Variants in AKAP6 observed in about 807,000 individuals in gnomAD.
The protein encoded by AKAP6 is A-kinase anchoring protein 6.
In AKAP6, 58 loss-of-function variants were observed where a neutral mutation model predicts 188.5. That is an observed-to-expected ratio of 0.31 (90% CI 0.25 to 0.38). The LOEUF (loss-of-function observed/expected upper bound fraction) is 0.38, where lower values mean the gene tolerates loss of function less well. Among genes scored for constraint, AKAP6 ranks in the 10% least tolerant of loss-of-function variants. The pLI is 1.00. For missense variants in AKAP6, 2,710 were observed against 2,740.0 expected, an observed-to-expected ratio of 0.99 and a Z score of 0.24; for synonymous variants, 989 against 998.6, an observed-to-expected ratio of 0.99 and a Z score of 0.18.
At position 32,796,679 on chromosome 14, in the gene AKAP6, G is replaced by A. The variant is rs112874837; in HGVS notation, c.3588+22786G>A. Among the ~76,000 whole-genome samples the A allele has an allele frequency of 4.3e-3, 653 of 152,170 alleles. 4 individuals carry two copies. Among genetic ancestry groups the A allele is most frequent in the African/African-American group, 0.014 (590 of 41,532 alleles). On this transcript the variant is annotated intron_variant, in intron 12 of 13. Coordinates refer to ENST00000280979, the MANE Select transcript of AKAP6 (RefSeq NM_004274.5). ...ATGTAAAACCCAAAACTATAAAAAC[G>A]CTAGGAGAAAATCTAGGCGATACCA...
At chr14:32,343,031 G>A (rs1438643271) in intron 1 of AKAP6, among the ~76,000 whole-genome samples, 1 of 152,080 alleles carries the variant, frequency 6.6e-6, no homozygotes, top group Non-Finnish European at 1.5e-5. Flanking sequence ...CTTTTTTCCC[G>A]TTGAGAATTT....
At position 32,605,960 on chromosome 14, in the gene AKAP6, C is replaced by G. The variant is rs149895373; in HGVS notation, c.2730+5168C>G. Reference sequence around the variant, plus strand: ...TTGTTTGAGAGACTGCAGAAAAGGACTTGGTTTTAGAAATCTTGTAAAGAA... The same window carrying G: ...TTGTTTGAGAGACTGCAGAAAAGGAGTTGGTTTTAGAAATCTTGTAAAGAA... On this transcript the variant is annotated intron_variant, in intron 7 of 13. Transcript: ENST00000280979. 2.3e-3 allele frequency among the ~76,000 whole-genome samples: 345 copies of G among 152,088 alleles called. 1 individual carries two copies. The highest frequency in any genetic ancestry group is 7.9e-3 in the African/African-American group (326 of 41,488).
chr14:32,617,845 T>C (rs1303080262), intron 7 of AKAP6, among the ~76,000 whole-genome samples: 2 of 152,184 alleles, frequency 1.3e-5, no homozygotes, highest in African/African-American at 4.8e-5. Context: ...CAGGCTGGCC[T>C]CAAACTCCTG....
chr14:32,431,248 G>C (rs900382555), intron 1 of AKAP6, among the ~76,000 whole-genome samples: 1 of 152,006 alleles, frequency 6.6e-6, no homozygotes, highest in African/African-American at 2.4e-5. Flanking sequence ...TGTTTTAATA[G>C]CTGGGTCTAG....
At chr14:32,453,477 C>T (rs929180467) in intron 2 of AKAP6, among the ~76,000 whole-genome samples, 1 of 150,844 alleles carries the variant, frequency 6.6e-6, no homozygotes, top group African/African-American at 2.4e-5. Context: ...TTCTTAAAAT[C>T]AATGCCTGTA....
intron 1 of AKAP6, among the ~76,000 whole-genome samples, chr14:32,355,541 A>G (rs1366278699): frequency 3.3e-5 from 5 of 152,228 alleles, no homozygotes; most frequent in Non-Finnish European, 7.3e-5. Context: ...CAAAAAAATC[A>G]AAATATGCTG....
intron 9 of AKAP6, among the ~76,000 whole-genome samples, chr14:32,725,049 T>C (rs1244134509): frequency 1.2e-5 from 1 of 82,202 alleles, no homozygotes; most frequent in African/African-American, 4.8e-5. Context: ...CTGACAACAA[T>C]ATTGTTCAGT....
At chr14:32,521,216 T>C (rs1182856575) in intron 2 of AKAP6, among the ~76,000 whole-genome samples, 8 of 152,036 alleles carry the variant, frequency 5.3e-5, no homozygotes, top group Non-Finnish European at 1.0e-4. Context: ...TATGATAAAC[T>C]CACAGCCAAT....
intron 1 of AKAP6, among the ~76,000 whole-genome samples, chr14:32,404,381 C>T (rs552807120): frequency 3.1e-4 from 47 of 151,938 alleles, no homozygotes; most frequent in African/African-American, 8.7e-4. Context: ...TGGGGGAGTG[C>T]TTATGCTAAG....
intron 11 of AKAP6, among the ~76,000 whole-genome samples, chr14:32,746,211 T>C (rs1208125981): frequency 6.6e-6 from 1 of 152,028 alleles, no homozygotes; most frequent in Non-Finnish European, 1.5e-5. Context: ...CTCTTTACTT[T>C]TCCCTCTGCT....
intron 2 of AKAP6, among the ~76,000 whole-genome samples, chr14:32,518,823 C>T (rs951859206): frequency 6.6e-6 from 1 of 152,122 alleles, no homozygotes; most frequent in Non-Finnish European, 1.5e-5. Context: ...GACCAACATT[C>T]AAATTCAGGA....
intron 2 of AKAP6, among the ~76,000 whole-genome samples, chr14:32,486,658 A>G (rs900143300): frequency 6.6e-6 from 1 of 152,246 alleles, no homozygotes; most frequent in South Asian, 2.1e-4. Flanking sequence ...ATTTTTGCAC[A>G]TTGATTTTGT....
At chr14:32,781,294 G>A (rs1039886934) in intron 12 of AKAP6, among the ~76,000 whole-genome samples, 2 of 150,560 alleles carry the variant, frequency 1.3e-5, no homozygotes, top group East Asian at 3.9e-4. Flanking sequence ...AAGACTGTCA[G>A]CCAAGATCGC....
intron 8 of AKAP6, among the ~76,000 whole-genome samples, chr14:32,683,456 G>A (rs1420254655): frequency 6.6e-6 from 1 of 152,162 alleles, no homozygotes; most frequent in Non-Finnish European, 1.5e-5. Flanking sequence ...TGAGGGAGAA[G>A]GAACCATTCT....
At chr14:32,669,363 T>C (rs1288184636) in intron 7 of AKAP6, among the ~76,000 whole-genome samples, 3 of 152,180 alleles carry the variant, frequency 2.0e-5, no homozygotes, top group Non-Finnish European at 4.4e-5. Context: ...CCAAATGTTA[T>C]TTGTATTTAG....
At chr14:32,338,996 T>C (rs1780351523) in intron 1 of AKAP6, among the ~76,000 whole-genome samples, 1 of 152,188 alleles carries the variant, frequency 6.6e-6, no homozygotes, top group South Asian at 2.1e-4. Context: ...ATTTATACTG[T>C]GTCAAGCATA....
At chr14:32,680,572 A>G (rs1425486754) in intron 8 of AKAP6, among the ~76,000 whole-genome samples, 1 of 152,172 alleles carries the variant, frequency 6.6e-6, no homozygotes, top group Non-Finnish European at 1.5e-5. Flanking sequence ...TACACTAAAG[A>G]GAAAATTAAG....
At chr14:32,521,845 GT>G (rs1881852766) in intron 2 of AKAP6, among the ~76,000 whole-genome samples, 1 of 152,092 alleles carries the variant, frequency 6.6e-6, no homozygotes, top group South Asian at 2.1e-4. Context: ...CTACTTTAAA[GT>G]TCATGTGCAA....
chr14:32,351,444 C>T (rs1169062695), intron 1 of AKAP6, among the ~76,000 whole-genome samples: 1 of 152,016 alleles, frequency 6.6e-6, no homozygotes, highest in Admixed American at 6.5e-5. Flanking sequence ...CACCTGTAGT[C>T]CCAGCTATTT....
Sources: allele counts gnomAD v4.1 joint callset (sites outside exome capture counted in the v4.1 genomes callset), GRCh38; gene constraint gnomAD v4.1.1; transcripts MANE v1.5; gene names NCBI Gene and HGNC (gene_info 2026-07-23, HGNC 2026-07-21).